Variants in HTR6 observed in about 807,000 individuals in gnomAD.
HTR6 encodes the protein 5-hydroxytryptamine receptor 6.
A neutral mutation model predicts 17.4 loss-of-function variants in HTR6; 15 were observed. That is an observed-to-expected ratio of 0.86 (90% CI 0.58 to 1.33). The LOEUF is 1.33. HTR6 is among the 40% of genes most tolerant of loss of function. The pLI is 0.00. For missense variants in HTR6, 578 were observed against 616.0 expected (o/e 0.94, Z 0.65); for synonymous variants, 326 against 295.5 (o/e 1.10, Z -1.06).
chr1:19,680,238 CTATCCAGCCCCCTG>C lies in HTR6; in HGVS notation c.*871_*884del, dbSNP rs1199294913. 6.6e-6 allele frequency among the ~76,000 whole-genome samples: 1 copy of C among 152,242 alleles called. No homozygotes were observed. Among genetic ancestry groups the C allele is most frequent in the African/African-American group, 2.4e-5 (1 of 41,458 alleles). On this transcript the variant is annotated 3_prime_UTR_variant, in exon 3 of 3. Coordinates refer to ENST00000289753, the MANE Select transcript of HTR6 (RefSeq NM_000871.3). ...TACGTTCTGTTGTTACGACCCCCGG[CTATCCAGCCCCCTG>C]GCCTCTCCGGCTGTGTGTCAGGAAG...
Position 19,666,891 on chromosome 1 carries a change from G to T in HTR6, c.714+424G>T, listed in dbSNP as rs2095082314. On this transcript the variant is annotated intron_variant, in intron 1 of 2. Transcript: ENST00000289753. This position sits in a 1 kb window ranked among gnomAD's most constrained non-coding sequence, Gnocchi z 4.5. ...TCCCCTGCCACTTCCTACCGGGGAG[G>T]CTGTGTAGACTTCTCCTGGCTCCCC... Among the ~76,000 whole-genome samples the T allele has an allele frequency of 6.6e-6, 1 of 152,048 alleles. No individual in the cohort carries two copies. The highest frequency in any genetic ancestry group is 2.1e-4 in the South Asian group (1 of 4,810).
intron 1 of HTR6, among the ~76,000 whole-genome samples, chr1:19,676,306 G>A (rs571318075): frequency 6.6e-4 from 100 of 152,328 alleles, no homozygotes; most frequent in African/African-American, 2.1e-3. Context: ...CACAGAGCGA[G>A]TAAGTGGTAG....
In HTR6 at chr1:19,666,017, G is replaced by A. The variant is rs111648246; in HGVS notation, c.264G>A (p.Leu88=). The A allele has an allele frequency of 1.2e-3, 1,990 of 1,613,852 alleles. 20 individuals carry two copies. The African/African-American group carries it at 0.025, about 20-fold the overall frequency. ...TGCCGCCGGCCATGCTGAACGCGCT[G>A]TACGGGCGCTGGGTGCTGGCGCGCG... ...VVMPPAMLNA[L]YGRWVLARGL... is the part of the protein sequence containing the mutation. Residue 88 remains leucine, a synonymous_variant, in exon 1 of 3, where the codon CTG becomes CTA. Transcript: ENST00000289753. This position sits in a 1 kb window ranked among gnomAD's most constrained non-coding sequence, Gnocchi z 4.5.
Position 19,678,829 on chromosome 1 carries a change from C to CGTGT in HTR6, c.874-79_874-76dup. On this transcript the variant is annotated intron_variant, in intron 2 of 2. Coordinates refer to ENST00000289753, the MANE Select transcript of HTR6 (RefSeq NM_000871.3). ...GGAGGGTAGGCTGCCTCTCGTGGTG[C>CGTGT]GTGTGTGTGTGTGTCTGCTCCATAC... The CGTGT allele has an allele frequency of 3.3e-6, 5 of 1,506,996 alleles. No individual in the cohort carries two copies. In the South Asian group the frequency reaches 6.3e-5, roughly 19 times the overall value. The allele number at this position is 1,506,996 out of a possible 1,614,324, so 93.4% of individuals were successfully genotyped here.
chr1:19,680,378 G>A lies in HTR6; in HGVS notation c.*1010G>A, dbSNP rs753003474. On this transcript the variant is annotated 3_prime_UTR_variant, in exon 3 of 3. Transcript: ENST00000289753. ...TCTGGTTCCCCAACTCCCTGTTCTG[G>A]CTCCTGGGTGGGGACCCCATCTCTC... Among the ~76,000 whole-genome samples, 36 of 152,142 alleles carry A rather than the reference G, an allele frequency of 2.4e-4. No homozygotes were observed. The highest frequency in any genetic ancestry group is 2.5e-4 in the Non-Finnish European group (17 of 68,030).
At chr1:19,674,478 C>T (rs1386914388) in intron 1 of HTR6, among the ~76,000 whole-genome samples, 1 of 145,286 alleles carries the variant, frequency 6.9e-6, no homozygotes, top group Non-Finnish European at 1.5e-5. Context: ...GTGATCTCGG[C>T]TCACTGCAGC....
At chr1:19,678,816 G>C (rs1057339379) in intron 2 of HTR6, 91 bp downstream of exon 2, 9 of 1,558,376 alleles carry the variant, frequency 5.8e-6, no homozygotes, top group African/African-American at 1.4e-5. Context: ...AGGGTAGGCT[G>C]CCTCTCGTGG....
At chr1:19,673,324 A>G (rs2095090564) in intron 1 of HTR6, among the ~76,000 whole-genome samples, 2 of 152,252 alleles carry the variant, frequency 1.3e-5, no homozygotes, top group South Asian at 4.1e-4. Context: ...TCACTCCACT[A>G]GTTTGTAACA....
Position 19,680,309 on chromosome 1 carries a change from T to G in HTR6, c.*941T>G, listed in dbSNP as rs956578125. On this transcript the variant is annotated 3_prime_UTR_variant, in exon 3 of 3. Transcript: ENST00000289753. ...TTGCTCCCGTTGTTCTCTTTCCATTTGCCTCCCCCTCTTCAGCCCTGGCCT... is the reference window on the plus strand; with the variant it reads ...TTGCTCCCGTTGTTCTCTTTCCATTGGCCTCCCCCTCTTCAGCCCTGGCCT... Among the ~76,000 whole-genome samples, 1 of 152,210 alleles carries G rather than the reference T, an allele frequency of 6.6e-6. No individual in the cohort carries two copies. Among genetic ancestry groups the G allele is most frequent in the African/African-American group, 2.4e-5 (1 of 41,450 alleles).
At position 19,666,490 on chromosome 1, in the gene HTR6, C is replaced by T; in HGVS notation, c.714+23C>T. On this transcript the variant is annotated intron_variant, in intron 1 of 2. Coordinates refer to ENST00000289753, the MANE Select transcript of HTR6 (RefSeq NM_000871.3). This position sits in a 1 kb window ranked among gnomAD's most constrained non-coding sequence, Gnocchi z 4.5. ...CAGGTACCTGGGGTGCGCAGGGAGACCCGGGCTGTGGGATAGAGAGGAATG... is the reference window on the plus strand; with the variant it reads ...CAGGTACCTGGGGTGCGCAGGGAGATCCGGGCTGTGGGATAGAGAGGAATG... The T allele has an allele frequency of 4.5e-6, 7 of 1,555,826 alleles. No individual in the cohort carries two copies. The highest frequency in any genetic ancestry group is 6.1e-6 in the Non-Finnish European group (7 of 1,146,264).
chr1:19,664,915 G>C lies in HTR6; in HGVS notation c.-839G>C, dbSNP rs1389181891. 6.7e-6 allele frequency among the ~76,000 whole-genome samples: 1 copy of C among 149,776 alleles called. No homozygotes were observed. Among genetic ancestry groups the C allele is most frequent in the Non-Finnish European group, 1.5e-5 (1 of 67,118 alleles). On this transcript the variant is annotated 5_prime_UTR_variant, in exon 1 of 3. Coordinates refer to ENST00000289753, the MANE Select transcript of HTR6 (RefSeq NM_000871.3). This position sits in a 1 kb window ranked among gnomAD's most constrained non-coding sequence, Gnocchi z 4.7. ...TCCGCGCGTGCGGGCCCCTCGCGGC[G>C]CCTCCCGGGCTCGGGAGACCCGGTC...
chr1:19,676,114 C>G (rs963039737), intron 1 of HTR6, among the ~76,000 whole-genome samples: 2 of 152,118 alleles, frequency 1.3e-5, no homozygotes, highest in African/African-American at 4.8e-5. Flanking sequence ...CAACAGTGCT[C>G]AAAATCACCC....
chr1:19,667,566 C>A (rs1257240315), intron 1 of HTR6, among the ~76,000 whole-genome samples: 1 of 152,158 alleles, frequency 6.6e-6, no homozygotes, highest in East Asian at 1.9e-4. Context: ...CAGGCACCCA[C>A]CACTATACCA....
chr1:19,669,391 G>A (rs2095085159), intron 1 of HTR6, among the ~76,000 whole-genome samples: 1 of 152,198 alleles, frequency 6.6e-6, no homozygotes, highest in Non-Finnish European at 1.5e-5. Flanking sequence ...CACCCAATGA[G>A]TCAAGTACTA....
intron 1 of HTR6, among the ~76,000 whole-genome samples, chr1:19,669,768 G>A (rs972697161): frequency 1.3e-5 from 2 of 152,110 alleles, no homozygotes; most frequent in Non-Finnish European, 2.9e-5. Context: ...TCCTACCTGG[G>A]CTGCTTACAG....
intron 1 of HTR6, among the ~76,000 whole-genome samples, chr1:19,674,497 C>T (rs2095091973): frequency 6.7e-6 from 1 of 148,992 alleles, no homozygotes; most frequent in Admixed American, 6.7e-5. Context: ...GCCTCCACCT[C>T]CTGGGTTCAA....
chr1:19,677,900 T>C (rs957554524), intron 1 of HTR6, among the ~76,000 whole-genome samples: 1 of 152,134 alleles, frequency 6.6e-6, no homozygotes, highest in Admixed American at 6.5e-5. Context: ...CCACCACGCC[T>C]GGCTAATTTT....
At chr1:19,667,479 G>A (rs1246521609) in intron 1 of HTR6, among the ~76,000 whole-genome samples, 1 of 151,810 alleles carries the variant, frequency 6.6e-6, no homozygotes, top group Non-Finnish European at 1.5e-5. Context: ...GCAGTGGTGC[G>A]ATCTTGGCTC....
chr1:19,679,647 AG>A lies in HTR6; in HGVS notation c.*281del, dbSNP rs2095099235. On this transcript the variant is annotated 3_prime_UTR_variant, in exon 3 of 3. Transcript: ENST00000289753. This position sits in a 1 kb window ranked among gnomAD's most constrained non-coding sequence, Gnocchi z 4.9. Reference sequence around the variant, plus strand: ...TGGAGGACTCTGGATGTTGGGGAGAAGGACCTCTTGGTTCAGGTTAGGATGA... The same window carrying A: ...TGGAGGACTCTGGATGTTGGGGAGAAGACCTCTTGGTTCAGGTTAGGATGA... 1 of 445,030 alleles carries A rather than the reference AG, an allele frequency of 2.2e-6. No individual in the cohort carries two copies. Among genetic ancestry groups the A allele is most frequent in the African/African-American group, 2.0e-5 (1 of 50,182 alleles). 27.6% of individuals were successfully genotyped at this position (445,030 alleles called of 1,614,324 possible).
Sources: gnomAD v4.1 joint callset for allele counts (sites outside exome capture counted in the v4.1 genomes callset) on GRCh38, gnomAD v4.1.1 for gene constraint, Gnocchi (gnomAD v3.1) non-coding constraint, MANE v1.5 for transcripts, NCBI Gene and HGNC (gene_info 2026-07-23, HGNC 2026-07-21) for gene names.